Variants in PTPRE observed in about 807,000 individuals in gnomAD.
PTPRE encodes the protein protein tyrosine phosphatase receptor type E, also known as receptor-type tyrosine-protein phosphatase epsilon.
A neutral mutation model predicts 102.0 loss-of-function variants in PTPRE; 51 were observed. That is an observed-to-expected ratio of 0.50 (90% CI 0.40 to 0.63). The LOEUF is 0.63. PTPRE is among the 30% of genes least tolerant of loss of function. The pLI is 0.00. For missense variants in PTPRE, 752 were observed against 915.1 expected, an observed-to-expected ratio of 0.82 and a Z score of 2.30; for synonymous variants, 345 against 348.2, an observed-to-expected ratio of 0.99 and a Z score of 0.10.
intron 19 of PTPRE, among the ~76,000 whole-genome samples, chr10:128,079,278 G>A (rs1043448728): frequency 2.0e-5 from 3 of 152,130 alleles, no homozygotes; most frequent in Non-Finnish European, 4.4e-5. Context: ...AAGGAAGAGG[G>A]GAAATGGTGA....
At chr10:127,982,362 G>A in intron 2 of PTPRE, 66 bp downstream of exon 2, 3 of 1,013,838 alleles carry the variant, frequency 3.0e-6, no homozygotes, top group Non-Finnish European at 3.9e-6. Flanking sequence ...TAATATGTGG[G>A]ATTTAATTAT....
chr10:127,976,930 T>C (rs1163141885), intron 1 of PTPRE, among the ~76,000 whole-genome samples: 2 of 152,218 alleles, frequency 1.3e-5, no homozygotes, highest in Admixed American at 6.5e-5. Context: ...AATGAAGTTG[T>C]CCGATAGAAT....
chr10:128,008,202 C>A lies in PTPRE; in HGVS notation c.-8+25906C>A, dbSNP rs1011185976. The stretch of plus-strand genomic sequence containing the variant: ...TGCATCCACCATCTCTGTCTGCAGC[C>A]CCGCTGGCTCGTCCGCCCTCGCCTC... On this transcript the variant is annotated intron_variant, in intron 2 of 20. Transcript: ENST00000254667. The surrounding 1 kb of genome is among the most constrained non-coding windows in gnomAD (Gnocchi z 4.0). 6.6e-6 allele frequency among the ~76,000 whole-genome samples: 1 copy of A among 152,106 alleles called. No homozygotes were observed. Among genetic ancestry groups the A allele is most frequent in the African/African-American group, 2.4e-5 (1 of 41,400 alleles).
At position 127,984,174 on chromosome 10, in the gene PTPRE, C is replaced by T. The variant is rs186518195; in HGVS notation, c.-8+1878C>T. ...TCGGCTCACTGCAACCTCTGCCTCC[C>T]GGGTTCAAGCGATTCTCCTGCCTCA... On this transcript the variant is annotated intron_variant, in intron 2 of 20. Transcript: ENST00000254667. 6.4e-3 allele frequency among the ~76,000 whole-genome samples: 965 copies of T among 151,388 alleles called. 8 individuals carry two copies. Among genetic ancestry groups the T allele is most frequent in the East Asian group, 0.048 (245 of 5,140 alleles).
intron 19 of PTPRE, among the ~76,000 whole-genome samples, chr10:128,079,015 A>G (rs1851468774): frequency 6.6e-6 from 1 of 152,210 alleles, no homozygotes; most frequent in South Asian, 2.1e-4. Context: ...TGACCATGGT[A>G]AATGGAGATG....
chr10:128,077,103 C>T (rs1829505106), intron 18 of PTPRE, among the ~76,000 whole-genome samples: 1 of 152,166 alleles, frequency 6.6e-6, no homozygotes, highest in South Asian at 2.1e-4. Flanking sequence ...CTCTCCTTGG[C>T]AAAGAATGAG....
chr10:127,911,041 A>G (rs1186227806), intron 1 of PTPRE, among the ~76,000 whole-genome samples: 1 of 152,144 alleles, frequency 6.6e-6, no homozygotes, highest in Non-Finnish European at 1.5e-5. Flanking sequence ...ATGTTCACAC[A>G]ACTGCACTCC....
intron 1 of PTPRE, among the ~76,000 whole-genome samples, chr10:127,932,632 T>G (rs1201993640): frequency 6.6e-6 from 1 of 152,210 alleles, no homozygotes; most frequent in Non-Finnish European, 1.5e-5. Context: ...CTTTTGCAGC[T>G]GTGTGTGCTC....
intron 1 of PTPRE, among the ~76,000 whole-genome samples, chr10:127,911,083 G>GAAA (rs140295250): frequency 2.7e-5 from 4 of 150,302 alleles, no homozygotes; most frequent in African/African-American, 9.8e-5. Context: ...CCCTGTCATG[G>GAAA]AAAAAAAAAG....
At chr10:127,991,003 A>G (rs1252419820) in intron 2 of PTPRE, among the ~76,000 whole-genome samples, 1 of 152,234 alleles carries the variant, frequency 6.6e-6, no homozygotes, top group Non-Finnish European at 1.5e-5. Context: ...ATTCTGGCAA[A>G]TGGTTCCGGG....
chr10:128,077,627 G>T lies in PTPRE; in HGVS notation c.1736G>T (p.Arg579Leu), dbSNP rs146660899. The T allele has an allele frequency of 1.9e-6, 3 of 1,608,102 alleles. No homozygotes were observed. Among genetic ancestry groups the T allele is most frequent in the East Asian group, 2.2e-5 (1 of 44,688 alleles). Reference protein sequence around the residue: ...FLVTLNQPQARQEEQVRVVRQ... With the variant: ...FLVTLNQPQALQEEQVRVVRQ... The stretch of plus-strand genomic sequence containing the variant: ...CTCTCCTCCCTGCAGCCCCAGGCCC[G>T]CCAGGAGGAGCAGGTCCGAGTAGTG... Residue 579 changes from arginine to leucine, a missense_variant, in exon 19 of 21, where the codon CGC (arginine) becomes CTC (leucine). Arg to Leu is a moderately radical substitution (Grantham distance 102). This residue lies in a region of PTPRE where 636 missense variants were observed against 824.4 expected (regional missense o/e 0.77). Transcript: ENST00000254667.
chr10:128,078,005 T>C (rs1157621130), intron 19 of PTPRE, among the ~76,000 whole-genome samples: 1 of 152,232 alleles, frequency 6.6e-6, no homozygotes, highest in Non-Finnish European at 1.5e-5. Flanking sequence ...TTAACATAAA[T>C]GCAGAATGCA....
intron 2 of PTPRE, among the ~76,000 whole-genome samples, chr10:127,988,960 C>T (rs1381784521): frequency 6.6e-6 from 1 of 152,114 alleles, no homozygotes; most frequent in Non-Finnish European, 1.5e-5. Flanking sequence ...GGTAGCTTTT[C>T]TCCTTGTTTT....
intron 2 of PTPRE, among the ~76,000 whole-genome samples, chr10:127,988,304 C>CTTTTTTTTTTTTTT (rs57166500): frequency 2.4e-5 from 3 of 123,834 alleles, no homozygotes; most frequent in African/African-American, 6.3e-5. Flanking sequence ...TTTTTCTTTT[C>CTTTTTTTTTTTTTT]TTTTTTTTTT....
At chr10:128,054,104 T>C (rs1848763350) in intron 6 of PTPRE, among the ~76,000 whole-genome samples, 1 of 152,178 alleles carries the variant, frequency 6.6e-6, no homozygotes, top group Non-Finnish European at 1.5e-5. Context: ...GTTTTAGCTA[T>C]ACAGAATAAT....
At chr10:128,041,225 G>T (rs1350931120) in intron 3 of PTPRE, among the ~76,000 whole-genome samples, 1 of 152,198 alleles carries the variant, frequency 6.6e-6, no homozygotes, top group Non-Finnish European at 1.5e-5. Context: ...CCCCAGCTGA[G>T]AGTCAGGGTC....
intron 1 of PTPRE, among the ~76,000 whole-genome samples, chr10:127,975,389 T>G (rs1463897964): frequency 6.6e-6 from 1 of 152,216 alleles, no homozygotes; most frequent in Admixed American, 6.5e-5. Flanking sequence ...TAATAATTAT[T>G]ATTATTTCAT....
At chr10:128,002,802 T>C (rs4344400) in intron 2 of PTPRE, among the ~76,000 whole-genome samples, 77,882 of 147,344 alleles carry the variant, frequency 0.53, 20,356 homozygotes, top group South Asian at 0.72. Flanking sequence ...TAAGCAGTCT[T>C]CCCACCTCAG....
chr10:127,941,221 G>C (rs79224041), intron 1 of PTPRE, among the ~76,000 whole-genome samples: 1 of 152,238 alleles, frequency 6.6e-6, no homozygotes, highest in African/African-American at 2.4e-5. Flanking sequence ...CCAAATGTTA[G>C]AATCAAGAAC....
Sources: allele counts gnomAD v4.1 joint callset (sites outside exome capture counted in the v4.1 genomes callset), GRCh38; gene constraint gnomAD v4.1.1; regional missense constraint gnomAD v4.1.1; non-coding constraint Gnocchi (gnomAD v3.1); transcripts MANE v1.5; gene names NCBI Gene and HGNC (gene_info 2026-07-23, HGNC 2026-07-21).